SCLT1: variants seen among roughly 807,000 people sequenced by gnomAD.
The protein encoded by SCLT1 is sodium channel-associated protein 1.
A neutral mutation model predicts 112.8 loss-of-function variants in SCLT1; 78 were observed. That is an observed-to-expected ratio of 0.69 (90% confidence interval 0.58 to 0.83). The LOEUF (loss-of-function observed/expected upper bound fraction) is 0.83, where lower values mean the gene tolerates loss of function less well. Among genes scored for constraint, SCLT1 ranks in the 40% least tolerant of loss-of-function variants. The probability of loss-of-function intolerance (pLI) is 0.00; values close to 1 mark genes in which losing one functional copy is unlikely to be tolerated. For missense variants in SCLT1, 747 were observed against 770.4 expected, an observed-to-expected ratio of 0.97 and a Z score of 0.36; for synonymous variants, 257 against 254.7, an observed-to-expected ratio of 1.01 and a Z score of -0.09.
At chr4:129,019,484 G>T (rs974224553) in intron 5 of SCLT1, among the ~76,000 whole-genome samples, 2 of 152,176 alleles carry the variant, frequency 1.3e-5, no homozygotes, top group African/African-American at 2.4e-5. Flanking sequence ...AAGGGGGATA[G>T]TTAGTGAATT....
intron 2 of SCLT1, among the ~76,000 whole-genome samples, chr4:129,048,991 AG>A (rs1748477679): frequency 6.6e-6 from 1 of 151,768 alleles, no homozygotes; most frequent in Admixed American, 6.6e-5. Context: ...CAGGTGCTGG[AG>A]AGGATGTGGA....
At chr4:129,044,847 A>G (rs1208010159) in intron 2 of SCLT1, among the ~76,000 whole-genome samples, 5 of 151,296 alleles carry the variant, frequency 3.3e-5, no homozygotes, top group Non-Finnish European at 5.9e-5. Context: ...AAAAAAAGGA[A>G]AAGAAAAAAG....
intron 2 of SCLT1, among the ~76,000 whole-genome samples, chr4:129,054,853 C>T (rs1338870381): frequency 2.6e-5 from 4 of 152,164 alleles, no homozygotes; most frequent in African/African-American, 9.6e-5. Flanking sequence ...GATTTTTCAA[C>T]ATTTTTGCAC....
intron 9 of SCLT1, among the ~76,000 whole-genome samples, chr4:128,988,172 T>C (rs77504042): frequency 0.015 from 2,250 of 152,254 alleles, 25 homozygotes; most frequent in Non-Finnish European, 0.022. Context: ...ATACAGAATA[T>C]TCTAACTCTG....
chr4:128,938,101 C>G (rs1737366914), intron 17 of SCLT1, among the ~76,000 whole-genome samples: 1 of 152,176 alleles, frequency 6.6e-6, no homozygotes, highest in African/African-American at 2.4e-5. Context: ...ATAAAGAACA[C>G]TTATTTTGTG....
rs779357457 is a variant in SCLT1 at position 128,943,601 on chromosome 4, C to T, written c.1440-413G>A. Among the ~76,000 whole-genome samples, 42 of 152,268 alleles carry T rather than the reference C, an allele frequency of 2.8e-4. 1 individual carries two copies. Among genetic ancestry groups the T allele is most frequent in the Non-Finnish European group, 4.6e-4 (31 of 67,994 alleles). ...ACTAACACAATAGCTGACTATATTA[C>T]TAAATTATAAAATCTACTTTTATAT... is the stretch of plus-strand genomic sequence containing the variant. On this transcript the variant is annotated intron_variant, in intron 16 of 20. Coordinates refer to ENST00000281142, the MANE Select transcript of SCLT1 (RefSeq NM_144643.4).
At chr4:129,072,169 A>C (rs1308966164) in intron 2 of SCLT1, among the ~76,000 whole-genome samples, 1 of 152,082 alleles carries the variant, frequency 6.6e-6, no homozygotes, top group Non-Finnish European at 1.5e-5. Flanking sequence ...GTCTACTGAG[A>C]GATCTGCTGC....
At chr4:128,930,845 T>G (rs2125974968) in intron 18 of SCLT1, among the ~76,000 whole-genome samples, 1 of 152,282 alleles carries the variant, frequency 6.6e-6, no homozygotes, top group Admixed American at 6.5e-5. Flanking sequence ...GATGTAAAGC[T>G]GCAGGAGGGT....
At chr4:128,912,716 C>G (rs1455303993) in intron 18 of SCLT1, among the ~76,000 whole-genome samples, 1 of 151,776 alleles carries the variant, frequency 6.6e-6, no homozygotes, top group South Asian at 2.1e-4. Context: ...TCTTCCCCTC[C>G]TCCTCTTCGC....
At chr4:129,040,716 T>G (rs951109390) in intron 4 of SCLT1, among the ~76,000 whole-genome samples, 8 of 152,180 alleles carry the variant, frequency 5.3e-5, no homozygotes, top group African/African-American at 9.7e-5. Context: ...AAATCGTCCA[T>G]ATAGAGAATT....
chr4:128,959,015 G>C (rs1391040484), intron 12 of SCLT1, among the ~76,000 whole-genome samples: 2 of 152,172 alleles, frequency 1.3e-5, no homozygotes, highest in East Asian at 3.9e-4. Flanking sequence ...CATAAGGGAG[G>C]CCGCAAAATA....
intron 5 of SCLT1, chr4:128,873,356 A>C (rs1732353045): frequency 1.3e-5 from 2 of 152,944 alleles, no homozygotes; most frequent in South Asian, 2.1e-4. Flanking sequence ...AAAGGCAATA[A>C]GTTGCGATAA....
chr4:128,891,821 T>C (rs1733350259), intron 18 of SCLT1, among the ~76,000 whole-genome samples: 1 of 151,966 alleles, frequency 6.6e-6, no homozygotes, highest in African/African-American at 2.4e-5. Context: ...ATTTTTTGTA[T>C]TTTAGTAGAG....
chr4:128,899,933 A>G (rs1734127793), intron 18 of SCLT1, among the ~76,000 whole-genome samples: 3 of 152,186 alleles, frequency 2.0e-5, no homozygotes, highest in Admixed American at 2.0e-4. Flanking sequence ...CAATTGCTTC[A>G]AAGAGAATAA....
intron 5 of SCLT1, among the ~76,000 whole-genome samples, chr4:129,030,864 G>C (rs937746224): frequency 6.6e-6 from 1 of 151,970 alleles, no homozygotes; most frequent in East Asian, 1.9e-4. Context: ...ATTCACAGCC[G>C]AATTCTACAT....
chr4:128,987,100 TG>T (rs1415156903), intron 9 of SCLT1, among the ~76,000 whole-genome samples: 3 of 152,160 alleles, frequency 2.0e-5, no homozygotes, highest in African/African-American at 7.2e-5. Context: ...AGCCTAGGAA[TG>T]GTTCTGAAAT....
At chr4:128,939,942 C>A (rs1010775857) in intron 17 of SCLT1, among the ~76,000 whole-genome samples, 1 of 152,138 alleles carries the variant, frequency 6.6e-6, no homozygotes, top group Non-Finnish European at 1.5e-5. Flanking sequence ...TATCTTACAG[C>A]CTTCTTCCTC....
At chr4:129,077,128 C>CCT (rs1751532949) in intron 2 of SCLT1, among the ~76,000 whole-genome samples, 1 of 152,096 alleles carries the variant, frequency 6.6e-6, no homozygotes, top group Non-Finnish European at 1.5e-5. Flanking sequence ...AAATGGTTAT[C>CCT]TTGAGGCAAT....
rs552616699 is a variant in SCLT1 at position 128,953,600 on chromosome 4, C to A, written c.1147-760G>T. Among the ~76,000 whole-genome samples the A allele has an allele frequency of 2.0e-5, 3 of 152,038 alleles. No homozygotes were observed. In the South Asian group the frequency reaches 6.2e-4, roughly 32 times the overall value. On this transcript the variant is annotated intron_variant, in intron 13 of 20. Transcript: ENST00000281142. ...ACGAGGTCAGGAGACCGAGACCATT[C>A]TGGCTAACACAGTGAAACTCCGTCT...
Sources: gnomAD v4.1 joint callset for allele counts (sites outside exome capture counted in the v4.1 genomes callset) on GRCh38, gnomAD v4.1.1 for gene constraint, MANE v1.5 for transcripts, NCBI Gene and HGNC (gene_info 2026-07-23, HGNC 2026-07-21) for gene names.